The following CHST9 variants were observed in gnomAD, a reference collection of about 807,000 sequenced individuals.
The protein encoded by CHST9 is carbohydrate sulfotransferase 9, also known as GalNAc-4-sulfotransferase 2.
In CHST9, 41 loss-of-function variants were observed where a neutral mutation model predicts 44.4. The ratio of observed to expected loss-of-function variants is 0.92; its 90% confidence interval spans 0.72 to 1.20. The LOEUF (loss-of-function observed/expected upper bound fraction) is 1.20. Ranked by LOEUF, CHST9 falls within the 50% of genes most tolerant of loss-of-function variation. The pLI, the probability that CHST9 is intolerant of heterozygous loss-of-function variation, is 0.00. For missense variants in CHST9, 504 were observed against 516.5 expected, an observed-to-expected ratio of 0.98 and a Z score of 0.23; for synonymous variants, 171 against 178.4, an observed-to-expected ratio of 0.96 and a Z score of 0.33.
At chr18:27,147,053 G>A (rs1193218502) in intron 1 of CHST9, among the ~76,000 whole-genome samples, 1 of 151,860 alleles carries the variant, frequency 6.6e-6, no homozygotes, top group Non-Finnish European at 1.5e-5. Context: ...CAGTTTAGCA[G>A]ACATTTATTT....
chr18:26,961,166 T>C (rs1482003638), intron 4 of CHST9, among the ~76,000 whole-genome samples: 1 of 152,246 alleles, frequency 6.6e-6, no homozygotes, highest in Non-Finnish European at 1.5e-5. Flanking sequence ...TCATTTCCTT[T>C]CTGGTTTCTG....
chr18:27,024,410 T>C (rs746091321), intron 3 of CHST9, among the ~76,000 whole-genome samples: 1 of 152,212 alleles, frequency 6.6e-6, no homozygotes, highest in Non-Finnish European at 1.5e-5. Context: ...TTTGAGCCTG[T>C]ACTCTTTATG....
intron 5 of CHST9, chr18:26,930,958 A>G (rs232346): frequency 1.4e-5 from 2 of 143,148 alleles, no homozygotes; most frequent in Non-Finnish European, 1.5e-5. Context: ...GTGGGGGAGG[A>G]GAGGGGAGCT....
At chr18:27,091,570 T>A (rs938099610) in intron 2 of CHST9, among the ~76,000 whole-genome samples, 1 of 152,206 alleles carries the variant, frequency 6.6e-6, no homozygotes, top group African/African-American at 2.4e-5. Context: ...CAGTATGATA[T>A]TGGCTGTGGG....
intron 2 of CHST9, among the ~76,000 whole-genome samples, chr18:27,116,191 A>G (rs1205809755): frequency 1.3e-5 from 2 of 152,144 alleles, no homozygotes; most frequent in Non-Finnish European, 2.9e-5. Context: ...TTGGTGTCAG[A>G]GTTAAGGAAC....
intron 2 of CHST9, among the ~76,000 whole-genome samples, chr18:27,094,804 A>G (rs574431403): frequency 1.8e-4 from 28 of 152,294 alleles, no homozygotes; most frequent in African/African-American, 6.7e-4. Context: ...AGTTCAGGTG[A>G]CTCATCAAAG....
At chr18:27,045,364 C>T (rs529465033) in intron 3 of CHST9, among the ~76,000 whole-genome samples, 193 of 152,114 alleles carry the variant, frequency 1.3e-3, no homozygotes, top group African/African-American at 4.6e-3. Flanking sequence ...TTCCTCTTTG[C>T]ACTTTATGCT....
chr18:27,058,789 T>G (rs1032580174), intron 2 of CHST9, among the ~76,000 whole-genome samples: 1 of 152,166 alleles, frequency 6.6e-6, no homozygotes, highest in East Asian at 1.9e-4. Context: ...TGAGACAAAC[T>G]GCCCTGCCAG....
At chr18:27,145,908 C>T (rs1258292863) in intron 1 of CHST9, among the ~76,000 whole-genome samples, 1 of 152,094 alleles carries the variant, frequency 6.6e-6, no homozygotes, top group Non-Finnish European at 1.5e-5. Flanking sequence ...AAACAATGAA[C>T]AGACATAATT....
intron 4 of CHST9, among the ~76,000 whole-genome samples, chr18:27,012,270 A>G (rs1302888650): frequency 1.3e-5 from 2 of 152,200 alleles, no homozygotes; most frequent in African/African-American, 4.8e-5. Context: ...CTGATAGCCT[A>G]TCGTAGACTA....
intron 2 of CHST9, among the ~76,000 whole-genome samples, chr18:27,102,287 AT>A (rs1344502556): frequency 6.6e-6 from 1 of 152,214 alleles, no homozygotes; most frequent in Non-Finnish European, 1.5e-5. Context: ...GTAAGTAAGC[AT>A]TTTTAAGTCA....
At chr18:27,133,957 T>C (rs1344133103) in intron 2 of CHST9, among the ~76,000 whole-genome samples, 2 of 152,178 alleles carry the variant, frequency 1.3e-5, no homozygotes, top group African/African-American at 2.4e-5. Flanking sequence ...CTTACAGATA[T>C]AGGAGAAAGT....
intron 4 of CHST9, among the ~76,000 whole-genome samples, chr18:26,974,615 C>T (rs542448739): frequency 2.6e-5 from 4 of 152,002 alleles, no homozygotes; most frequent in Non-Finnish European, 4.4e-5. Flanking sequence ...TGATCTCATC[C>T]GGTCCTCCCA....
intron 4 of CHST9, among the ~76,000 whole-genome samples, chr18:26,972,357 CAAAAAAAAAAAA>C (rs887066938): frequency 4.6e-5 from 3 of 65,248 alleles, no homozygotes; most frequent in Non-Finnish European, 5.7e-5. Flanking sequence ...ACTCCAACTC[CAAAAAAAAAAAA>C]AAAAAAAAAA....
chr18:27,042,333 G>A (rs1271649982), intron 3 of CHST9, among the ~76,000 whole-genome samples: 1 of 152,052 alleles, frequency 6.6e-6, no homozygotes, highest in East Asian at 1.9e-4. Flanking sequence ...CTATCACACA[G>A]ACCTAGATCC....
chr18:27,043,728 A>G (rs2057469933), intron 3 of CHST9, among the ~76,000 whole-genome samples: 1 of 151,846 alleles, frequency 6.6e-6, no homozygotes, highest in Admixed American at 6.6e-5. Context: ...GTTTTTAGAA[A>G]CCTCTCTCCT....
At chr18:26,950,492 G>A (rs1460137540) in intron 4 of CHST9, among the ~76,000 whole-genome samples, 1 of 152,164 alleles carries the variant, frequency 6.6e-6, no homozygotes, top group African/African-American at 2.4e-5. Context: ...CAACCAGTAA[G>A]TGGATAAAGA....
chr18:27,148,412 C>G (rs1372001791), intron 1 of CHST9, among the ~76,000 whole-genome samples: 1 of 127,518 alleles, frequency 7.8e-6, no homozygotes, highest in Non-Finnish European at 1.6e-5. Flanking sequence ...CCCCCCTCCC[C>G]CCACCCCACA....
intron 4 of CHST9, among the ~76,000 whole-genome samples, chr18:26,958,059 T>C (rs2056350066): frequency 6.7e-6 from 1 of 150,296 alleles, no homozygotes; most frequent in African/African-American, 2.4e-5. Context: ...GCTAATTTTG[T>C]ATTTTTAGTA....
Sources: gnomAD v4.1 joint callset for allele counts (sites outside exome capture counted in the v4.1 genomes callset) on GRCh38, gnomAD v4.1.1 for gene constraint, MANE v1.5 for transcripts, NCBI Gene and HGNC (gene_info 2026-07-23, HGNC 2026-07-21) for gene names.